The following ABCD3 variants were observed in gnomAD, a reference collection of about 807,000 sequenced individuals.
ABCD3 encodes ATP binding cassette subfamily D member 3, also known as ATP-binding cassette sub-family D member 3.
ABCD3 carries 41 observed loss-of-function variants against 105.5 expected under a neutral mutation model. The observed-to-expected ratio is 0.39, with a 90% CI of 0.30 to 0.50. The LOEUF (loss-of-function observed/expected upper bound fraction) is 0.50. Ranked by LOEUF, ABCD3 falls within the 20% of genes least tolerant of loss-of-function variation. The probability of loss-of-function intolerance (pLI) is 0.84; values close to 1 mark genes in which losing one functional copy is unlikely to be tolerated. For synonymous variants in ABCD3, 258 were observed against 269.0 expected (o/e 0.96, Z 0.40); for missense variants, 622 against 806.3 (o/e 0.77, Z 2.77).
the ABCD3 span, among the ~76,000 whole-genome samples, chr1:94,388,495 A>G: frequency 9.8e-5 from 15 of 152,340 alleles, no homozygotes; most frequent in Admixed American, 9.2e-4. Flanking sequence ...TTACAATTCT[A>G]TAACTAGAAA....
chr1:94,488,734 A>C (rs1649388389), intron 13 of ABCD3, among the ~76,000 whole-genome samples: 1 of 151,964 alleles, frequency 6.6e-6, no homozygotes, highest in African/African-American at 2.4e-5. Flanking sequence ...GAATACTAAC[A>C]TTCTTCCTAC....
chr1:94,507,227 G>C (rs1650409484), intron 21 of ABCD3, among the ~76,000 whole-genome samples: 2 of 151,896 alleles, frequency 1.3e-5, no homozygotes, highest in African/African-American at 4.8e-5. Context: ...ACCTATGAGT[G>C]AGAATATGCG....
chr1:94,397,922 G>GT, the ABCD3 span, among the ~76,000 whole-genome samples: 1 of 152,036 alleles, frequency 6.6e-6, no homozygotes, highest in South Asian at 2.1e-4. Flanking sequence ...ATTCATCCCT[G>GT]AGTCTTAACC....
intron 3 of ABCD3, among the ~76,000 whole-genome samples, chr1:94,465,873 T>A (rs1011329770): frequency 3.3e-5 from 5 of 152,198 alleles, no homozygotes; most frequent in Admixed American, 3.3e-4. Context: ...GAAGTATCAT[T>A]ACCTTCAGCT....
At chr1:94,478,605 CT>C in intron 8 of ABCD3, 1 of 1,285,042 alleles carries the variant, frequency 7.8e-7, no homozygotes, top group Non-Finnish European at 1.1e-6. Context: ...AATCCCAGCA[CT>C]TTGGGAGGCT....
chr1:94,416,042 G>A (rs1239369586), upstream of ABCD3, among the ~76,000 whole-genome samples: 2 of 152,140 alleles, frequency 1.3e-5, no homozygotes, highest in African/African-American at 4.8e-5. Context: ...TCTTGAACAA[G>A]GGTAACTTTT....
the ABCD3 span, among the ~76,000 whole-genome samples, chr1:94,391,535 C>T: frequency 6.6e-6 from 1 of 152,162 alleles, no homozygotes; most frequent in Admixed American, 6.5e-5. Flanking sequence ...CCCCTTGATA[C>T]TAGGAATCTC....
At chr1:94,508,396 C>T (rs1323293921) in intron 21 of ABCD3, among the ~76,000 whole-genome samples, 2 of 151,990 alleles carry the variant, frequency 1.3e-5, no homozygotes, top group African/African-American at 4.8e-5. Flanking sequence ...TTACTGTAGC[C>T]TTGTAGTATG....
At chr1:94,389,724 T>C in the ABCD3 span, among the ~76,000 whole-genome samples, 1 of 152,186 alleles carries the variant, frequency 6.6e-6, no homozygotes, top group Non-Finnish European at 1.5e-5. Flanking sequence ...CTAGTGCCCC[T>C]GGGTTAGGGT....
At chr1:94,385,217 G>A in the ABCD3 span, among the ~76,000 whole-genome samples, 2 of 152,154 alleles carry the variant, frequency 1.3e-5, no homozygotes, top group Non-Finnish European at 2.9e-5. Context: ...CTGACAGAAG[G>A]GGCACATGGC....
chr1:94,397,498 T>A, the ABCD3 span, among the ~76,000 whole-genome samples: 1 of 152,212 alleles, frequency 6.6e-6, no homozygotes, highest in Non-Finnish European at 1.5e-5. Flanking sequence ...GTCTATGTGA[T>A]GTTTCTTCAT....
At chr1:94,489,867 A>G (rs893050572) in intron 14 of ABCD3, 36 bp from the exon 15 acceptor site, 2 of 1,612,004 alleles carry the variant, frequency 1.2e-6, no homozygotes. Flanking sequence ...GTTTGCTGAC[A>G]TAATATGATG....
chr1:94,460,666 C>G (rs1446364503), intron 2 of ABCD3, among the ~76,000 whole-genome samples: 1 of 152,072 alleles, frequency 6.6e-6, no homozygotes, highest in African/African-American at 2.4e-5. Context: ...ATGCTGGCTT[C>G]TAGTGATTAG....
At chr1:94,429,848 C>T (rs1295890141) in intron 1 of ABCD3, among the ~76,000 whole-genome samples, 1 of 152,236 alleles carries the variant, frequency 6.6e-6, no homozygotes, top group Non-Finnish European at 1.5e-5. Flanking sequence ...TGGGGCACCA[C>T]CTAGTGGAGC....
At chr1:94,433,248 G>A (rs1749539) in intron 1 of ABCD3, among the ~76,000 whole-genome samples, 1 of 150,550 alleles carries the variant, frequency 6.6e-6, no homozygotes, top group Non-Finnish European at 1.5e-5. Context: ...TCTACCTCCC[G>A]AGTTCAAGCG....
At position 94,517,210 on chromosome 1, in the gene ABCD3, G is replaced by A; in HGVS notation, c.*81G>A. On this transcript the variant is annotated 3_prime_UTR_variant, in exon 23 of 23. Coordinates refer to ENST00000370214, the MANE Select transcript of ABCD3 (RefSeq NM_002858.4). ...AAGGCAAAGTACATTGTAAAATAAAGTTGAGCTTAGTTTTTTTTAAAAAAA... is the reference window on the plus strand; with the variant it reads ...AAGGCAAAGTACATTGTAAAATAAAATTGAGCTTAGTTTTTTTTAAAAAAA... 9.6e-7 allele frequency: 1 copy of A among 1,042,176 alleles called. No individual in the cohort carries two copies. Among genetic ancestry groups the A allele is most frequent in the Non-Finnish European group, 1.5e-6 (1 of 679,002 alleles). The allele number at this position is 1,042,176 out of a possible 1,614,324, so 64.6% of individuals were successfully genotyped here.
chr1:94,502,497 GT>G (rs34232258), intron 20 of ABCD3, among the ~76,000 whole-genome samples: 91,698 of 130,978 alleles, frequency 0.7, 31,490 homozygotes, highest in Admixed American at 0.78. Flanking sequence ...TGCCCCCCTA[GT>G]TTTTTTTTTT....
At chr1:94,480,120 T>C in intron 8 of ABCD3, 1 of 288,024 alleles carries the variant, frequency 3.5e-6, no homozygotes, top group Non-Finnish European at 6.6e-6. Flanking sequence ...AAAAGAGGTC[T>C]AAGAATTATT....
chr1:94,475,560 G>A, intron 6 of ABCD3, 54 bp from the exon 7 acceptor site: 1 of 1,565,592 alleles, frequency 6.4e-7, no homozygotes. Flanking sequence ...TTTTGTTGTT[G>A]TTTTATCTTT....
Sources: allele counts gnomAD v4.1 joint callset (sites outside exome capture counted in the v4.1 genomes callset), GRCh38; gene constraint gnomAD v4.1.1; transcripts MANE v1.5; gene names NCBI Gene and HGNC (gene_info 2026-07-23, HGNC 2026-07-21).